The following PEX5L variants were observed in gnomAD, a reference collection of about 807,000 sequenced individuals.
PEX5L encodes the protein PEX5-related protein.
Under a neutral mutation model 84.0 loss-of-function variants are expected in PEX5L, and 30 were observed. The ratio of observed to expected loss-of-function variants is 0.36; its 90% confidence interval spans 0.27 to 0.48. The LOEUF (loss-of-function observed/expected upper bound fraction) is 0.48, where lower values mean the gene tolerates loss of function less well. Ranked by LOEUF, PEX5L falls within the 20% of genes least tolerant of loss-of-function variation. The probability of loss-of-function intolerance (pLI) is 0.99; values close to 1 mark genes in which losing one functional copy is unlikely to be tolerated. For synonymous variants in PEX5L, 270 were observed against 283.1 expected (o/e 0.95, Z 0.46); for missense variants, 533 against 754.6 (o/e 0.71, Z 3.44).
chr3:179,883,621 T>C (rs1754844610), intron 4 of PEX5L, among the ~76,000 whole-genome samples: 2 of 152,060 alleles, frequency 1.3e-5, no homozygotes, highest in Admixed American at 6.6e-5. Flanking sequence ...CCGTCTCTAC[T>C]AAAAATACAA....
intron 2 of PEX5L, among the ~76,000 whole-genome samples, chr3:179,922,362 C>T (rs1560723107): frequency 6.6e-6 from 1 of 152,162 alleles, no homozygotes. Context: ...AAGATAAACA[C>T]CTCTTCCTTT....
chr3:179,816,703 T>A (rs914949951), intron 9 of PEX5L, among the ~76,000 whole-genome samples: 2 of 152,310 alleles, frequency 1.3e-5, no homozygotes, highest in Non-Finnish European at 2.9e-5. Flanking sequence ...AACTTGCATG[T>A]TCTGCACAGG....
chr3:179,946,835 C>G (rs58950270), intron 2 of PEX5L, among the ~76,000 whole-genome samples: 6,817 of 152,254 alleles, frequency 0.045, 508 homozygotes, highest in African/African-American at 0.16. Flanking sequence ...GCAGCTTTTT[C>G]CAGTTTGGGT....
chr3:179,852,013 G>C (rs1001700675), intron 8 of PEX5L, among the ~76,000 whole-genome samples: 1 of 152,194 alleles, frequency 6.6e-6, no homozygotes, highest in African/African-American at 2.4e-5. Flanking sequence ...GGAATGGGAC[G>C]AGGCTGGGGA....
chr3:179,911,605 G>A lies in PEX5L; in HGVS notation c.94-13359C>T, dbSNP rs1479158798. Reference sequence around the variant, plus strand: ...AATTATTTTCCATGTCTATTTGGGAGTCCATAGAATCTGAAAGGACTATTT... The same window carrying A: ...AATTATTTTCCATGTCTATTTGGGAATCCATAGAATCTGAAAGGACTATTT... On this transcript the variant is annotated intron_variant, in intron 2 of 14. Coordinates refer to ENST00000467460, the MANE Select transcript of PEX5L (RefSeq NM_016559.3). 5.3e-5 allele frequency among the ~76,000 whole-genome samples: 8 copies of A among 152,252 alleles called. No individual in the cohort carries two copies. The East Asian group carries it at 1.5e-3, about 29-fold the overall frequency.
Position 179,807,777 on chromosome 3 carries a change from C to G in PEX5L, c.1573G>C (p.Glu525Gln). 6.2e-7 allele frequency: 1 copy of G among 1,614,102 alleles called. No homozygotes were observed. Among genetic ancestry groups the G allele is most frequent in the Non-Finnish European group, 8.5e-7 (1 of 1,180,006 alleles). The change falls in exon 14 of 15, where the codon GAG (glutamate) becomes CAG (glutamine). Residue 525 changes from glutamate (E) to glutamine (Q), a missense_variant. Around this residue, in one of 8 missense-constraint regions of PEX5L, gnomAD observed 105 missense variants for 204.6 expected, o/e 0.51. Transcript: ENST00000467460. The part of the protein sequence containing the change: ...GATLANGDRS[E>Q]EAVEAYTRAL... The stretch of plus-strand genomic sequence containing the variant: ...CGCGTATAGGCCTCCACGGCTTCCT[C>G]GCTGCGGTCTCCGTTCGCCAAGGTC...
At chr3:179,942,157 TTCTAG>T (rs1210983273) in intron 2 of PEX5L, among the ~76,000 whole-genome samples, 8 of 152,192 alleles carry the variant, frequency 5.3e-5, no homozygotes, top group Non-Finnish European at 1.5e-5. Flanking sequence ...CTGTATGTAC[TTCTAG>T]TCTATTGAAC....
chr3:179,879,877 C>T (rs999778648), intron 5 of PEX5L, 52 bp downstream of exon 5: 4 of 1,283,480 alleles, frequency 3.1e-6, no homozygotes, highest in Admixed American at 2.4e-5. Flanking sequence ...CCTCTTGTAT[C>T]CACATCAGCA....
chr3:179,939,967 C>T (rs1032440815), intron 2 of PEX5L, among the ~76,000 whole-genome samples: 2 of 152,128 alleles, frequency 1.3e-5, no homozygotes, highest in Admixed American at 1.3e-4. Flanking sequence ...ATGATGACAG[C>T]CAAATAGTTC....
Position 179,887,752 on chromosome 3 carries a change from G to A in PEX5L, c.231C>T (p.Leu77=). 6.2e-7 allele frequency: 1 copy of A among 1,613,962 alleles called. No individual in the cohort carries two copies. The highest frequency in any genetic ancestry group is 8.5e-7 in the Non-Finnish European group (1 of 1,179,852). ...GAAAGTCATCGATGGAGGGACTCAGGAGGGGTCTGCTTTCTTGTTGCTCAT... is the reference window on the plus strand; with the variant it reads ...GAAAGTCATCGATGGAGGGACTCAGAAGGGGTCTGCTTTCTTGTTGCTCAT... The part of the protein sequence containing the change: ...LVNEQQESRP[L]LSPSIDDFLC... The change falls in exon 4 of 15, where the codon CTC becomes CTT. Residue 77 remains leucine (L), a synonymous_variant. Transcript: ENST00000467460.
intron 1 of PEX5L, among the ~76,000 whole-genome samples, chr3:179,984,335 TCATA>T (rs1202486220): frequency 1.3e-5 from 2 of 152,104 alleles, no homozygotes; most frequent in Non-Finnish European, 2.9e-5. Context: ...TAAAACAATG[TCATA>T]CATCTCACTA....
intron 2 of PEX5L, among the ~76,000 whole-genome samples, chr3:179,911,926 C>G (rs1382817934): frequency 6.6e-6 from 1 of 152,152 alleles, no homozygotes; most frequent in African/African-American, 2.4e-5. Flanking sequence ...GACTTTAAGA[C>G]TGCTGGAATA....
chr3:179,940,975 GT>G (rs1030696239), intron 2 of PEX5L, among the ~76,000 whole-genome samples: 2 of 152,194 alleles, frequency 1.3e-5, no homozygotes, highest in Non-Finnish European at 2.9e-5. Flanking sequence ...TGTGCCAGGC[GT>G]TATGGTAGGC....
intron 5 of PEX5L, among the ~76,000 whole-genome samples, chr3:179,879,024 T>C (rs138143149): frequency 2.5e-4 from 38 of 152,328 alleles, no homozygotes; most frequent in African/African-American, 9.1e-4. Context: ...TAATAATAAG[T>C]GATTTCATAT....
intron 2 of PEX5L, among the ~76,000 whole-genome samples, chr3:179,947,745 C>CGCCTAGGCTGGAGT (rs1329248140): frequency 7.4e-6 from 1 of 135,960 alleles, no homozygotes; most frequent in Non-Finnish European, 1.5e-5. Context: ...CTCACTCTGT[C>CGCCTAGGCTGGAGT]GCCTAGGCTG....
At chr3:180,033,218 A>G (rs1381482545) in intron 1 of PEX5L, among the ~76,000 whole-genome samples, 2 of 152,216 alleles carry the variant, frequency 1.3e-5, no homozygotes, top group Non-Finnish European at 2.9e-5. Flanking sequence ...GCTGTTAATA[A>G]TCTTACAATT....
chr3:179,961,201 A>ATGTGTGTGTG (rs72242969), intron 2 of PEX5L, among the ~76,000 whole-genome samples: 8 of 65,252 alleles, frequency 1.2e-4, no homozygotes, highest in African/African-American at 2.9e-4. Context: ...GTGTATGTGT[A>ATGTGTGTGTG]TGTGTGTGTG....
chr3:179,973,156 T>C (rs900838349), intron 1 of PEX5L: 37 of 1,287,444 alleles, frequency 2.9e-5, no homozygotes, highest in Non-Finnish European at 3.1e-5. Context: ...TCTGTATACG[T>C]ACCAAGTAGC....
intron 8 of PEX5L, among the ~76,000 whole-genome samples, chr3:179,832,361 T>C: frequency 6.7e-6 from 1 of 149,296 alleles, no homozygotes; most frequent in African/African-American, 2.5e-5. Flanking sequence ...CCTGCCTACC[T>C]ACCCACCAAC....
Sources: allele counts gnomAD v4.1 joint callset (sites outside exome capture counted in the v4.1 genomes callset), GRCh38; gene constraint gnomAD v4.1.1; regional missense constraint gnomAD v4.1.1; transcripts MANE v1.5; gene names NCBI Gene and HGNC (gene_info 2026-07-23, HGNC 2026-07-21).